Variants in ST6GALNAC5 observed in about 807,000 individuals in gnomAD.
ST6GALNAC5 encodes the protein ST6 N-acetylgalactosaminide alpha-2,6-sialyltransferase 5.
Under a neutral mutation model 33.6 loss-of-function variants are expected in ST6GALNAC5, and 27 were observed. That is an observed-to-expected ratio of 0.80 (90% CI 0.59 to 1.11). ST6GALNAC5 has a LOEUF of 1.11. ST6GALNAC5 is among the 50% of genes least tolerant of loss of function. The pLI is 0.00. For missense variants in ST6GALNAC5, 428 were observed against 454.0 expected (o/e 0.94, Z 0.52); for synonymous variants, 194 against 171.2 (o/e 1.13, Z -1.04).
intron 3 of ST6GALNAC5, 139 bp from the exon 4 acceptor site, chr1:77,050,119 G>A: frequency 3.0e-6 from 2 of 656,544 alleles, no homozygotes; most frequent in South Asian, 3.9e-5. Flanking sequence ...ATTTGATAAA[G>A]TTCCAGATAT....
intron 2 of ST6GALNAC5, among the ~76,000 whole-genome samples, chr1:76,913,934 T>C (rs1441181029): frequency 2.6e-5 from 4 of 152,220 alleles, no homozygotes; most frequent in East Asian, 3.9e-4. Context: ...GATTGTATAT[T>C]TAGAAAACCC....
At chr1:77,035,769 G>A (rs1434214474) in intron 2 of ST6GALNAC5, among the ~76,000 whole-genome samples, 2 of 152,234 alleles carry the variant, frequency 1.3e-5, no homozygotes, top group African/African-American at 4.8e-5. Flanking sequence ...AGTACTAAGT[G>A]ATGACAAGGA....
intron 2 of ST6GALNAC5, among the ~76,000 whole-genome samples, chr1:77,004,953 G>A (rs1650335039): frequency 6.7e-6 from 1 of 148,536 alleles, no homozygotes; most frequent in Non-Finnish European, 1.5e-5. Flanking sequence ...TTGTTTGTCT[G>A]TGCCCTGCCC....
At position 77,063,246 on chromosome 1, in the gene ST6GALNAC5, C is replaced by A; in HGVS notation, c.*40C>A. ...AGACTGTAATCCCAGGTATTCACTG[C>A]ATCAGACACCGAGACACTGAACTTC... On this transcript the variant is annotated 3_prime_UTR_variant, in exon 5 of 5. Coordinates refer to ENST00000477717, the MANE Select transcript of ST6GALNAC5 (RefSeq NM_030965.3). 2 of 1,569,094 alleles carry A rather than the reference C, an allele frequency of 1.3e-6. No individual in the cohort carries two copies. The highest frequency in any genetic ancestry group is 1.8e-6 in the Non-Finnish European group (2 of 1,142,182).
Position 76,868,900 on chromosome 1 carries a change from T to A in ST6GALNAC5, c.261+158T>A. The A allele has an allele frequency of 1.7e-6, 2 of 1,177,180 alleles. No individual in the cohort carries two copies. The highest frequency in any genetic ancestry group is 1.1e-6 in the Non-Finnish European group (1 of 881,508). The allele number at this position is 1,177,180 out of a possible 1,614,324, so 72.9% of individuals were successfully genotyped here. A position where few individuals can be genotyped will look rare whatever the true frequency, so the allele number is the denominator to read the frequency against. Reference sequence around the variant, plus strand: ...GGGGTAGGGTGGGCTAGTTCCAACTTGGTATGAATTCTTATTTGGAGAAAG... The same window carrying A: ...GGGGTAGGGTGGGCTAGTTCCAACTAGGTATGAATTCTTATTTGGAGAAAG... On this transcript the variant is annotated intron_variant, in intron 2 of 4. Coordinates refer to ENST00000477717, the MANE Select transcript of ST6GALNAC5 (RefSeq NM_030965.3). The surrounding 1 kb of genome is among the most constrained non-coding windows in gnomAD (Gnocchi z 4.3).
intron 2 of ST6GALNAC5, among the ~76,000 whole-genome samples, chr1:76,873,583 T>C (rs1653559931): frequency 6.6e-6 from 1 of 152,170 alleles, no homozygotes. Flanking sequence ...AGAATCATCA[T>C]TGCAATCTCA....
At position 77,044,269 on chromosome 1, in the gene ST6GALNAC5, G is replaced by A. The variant is rs1427509643; in HGVS notation, c.327G>A (p.Arg109=). 2.5e-6 allele frequency: 4 copies of A among 1,613,790 alleles called. No individual in the cohort carries two copies. Among genetic ancestry groups the A allele is most frequent in the Non-Finnish European group, 3.4e-6 (4 of 1,180,006 alleles). ...GCTCAGGGCATCTGCTGCACAGTCG[G>A]CAAGGCTCCCAGATTGACCAGACAG... ...VTSSGHLLHS[R]QGSQIDQTEC... Residue 109 remains arginine, a synonymous_variant, in exon 3 of 5, where the codon CGG becomes CGA. Transcript: ENST00000477717.
intron 3 of ST6GALNAC5, among the ~76,000 whole-genome samples, chr1:77,047,041 C>T (rs565824751): frequency 6.6e-6 from 1 of 152,230 alleles, no homozygotes. Context: ...TCTTCCTGGT[C>T]GTCCTGGCTG....
At chr1:76,978,470 A>G (rs1242541662) in intron 2 of ST6GALNAC5, among the ~76,000 whole-genome samples, 2 of 152,364 alleles carry the variant, frequency 1.3e-5, no homozygotes, top group African/African-American at 2.4e-5. Flanking sequence ...GGATGGTTCA[A>G]TATATGGAAG....
intron 2 of ST6GALNAC5, among the ~76,000 whole-genome samples, chr1:77,022,375 T>G (rs199677): frequency 0.29 from 43,867 of 152,078 alleles, 6,841 homozygotes; most frequent in African/African-American, 0.4. Flanking sequence ...AATTTCTCAT[T>G]TGAAGTTTGT....
At chr1:76,957,499 G>T (rs1321896524) in intron 2 of ST6GALNAC5, among the ~76,000 whole-genome samples, 1 of 152,286 alleles carries the variant, frequency 6.6e-6, no homozygotes, top group East Asian at 1.9e-4. Flanking sequence ...AGTTCTGAGA[G>T]GACATTAATT....
intron 2 of ST6GALNAC5, among the ~76,000 whole-genome samples, chr1:77,007,871 C>G (rs1342837194): frequency 6.6e-6 from 1 of 152,208 alleles, no homozygotes; most frequent in African/African-American, 2.4e-5. Flanking sequence ...GGCTTTGTGG[C>G]TAAGACTTTT....
chr1:76,901,744 T>G (rs962312901), intron 2 of ST6GALNAC5, among the ~76,000 whole-genome samples: 3 of 152,220 alleles, frequency 2.0e-5, no homozygotes. Flanking sequence ...AAATTCTGTT[T>G]ATTCTTTTTG....
chr1:76,941,620 C>A (rs1383336975), intron 2 of ST6GALNAC5, among the ~76,000 whole-genome samples: 1 of 152,148 alleles, frequency 6.6e-6, no homozygotes, highest in South Asian at 2.1e-4. Context: ...AGTGTCCTTA[C>A]AAGAGACAGA....
intron 2 of ST6GALNAC5, among the ~76,000 whole-genome samples, chr1:76,898,262 A>G (rs1263400511): frequency 6.6e-6 from 1 of 152,140 alleles, no homozygotes; most frequent in Admixed American, 6.5e-5. Context: ...GAGGTTCTGG[A>G]GGAACCCCTG....
intron 2 of ST6GALNAC5, among the ~76,000 whole-genome samples, chr1:77,023,702 T>C (rs186687940): frequency 5.4e-4 from 82 of 152,330 alleles, no homozygotes; most frequent in African/African-American, 1.6e-3. Flanking sequence ...TGTTGCACTT[T>C]ATTATATTGT....
At chr1:76,935,574 G>A (rs1255823169) in intron 2 of ST6GALNAC5, among the ~76,000 whole-genome samples, 3 of 151,996 alleles carry the variant, frequency 2.0e-5, no homozygotes, top group Non-Finnish European at 4.4e-5. Context: ...TTAATTTGGG[G>A]ATAAAATTGG....
chr1:77,043,202 T>G (rs1343738245), intron 2 of ST6GALNAC5, among the ~76,000 whole-genome samples: 1 of 152,292 alleles, frequency 6.6e-6, no homozygotes, highest in South Asian at 2.1e-4. Flanking sequence ...TGTTATTTTC[T>G]TGTACATTTG....
At chr1:76,974,773 C>CTTTCTTT (rs1648931915) in intron 2 of ST6GALNAC5, among the ~76,000 whole-genome samples, 1 of 35,246 alleles carries the variant, frequency 2.8e-5, no homozygotes, top group African/African-American at 1.3e-4. Context: ...TTCTTTCTTT[C>CTTTCTTT]TTTTTTTTTT....
Sources: allele counts gnomAD v4.1 joint callset (sites outside exome capture counted in the v4.1 genomes callset), GRCh38; gene constraint gnomAD v4.1.1; non-coding constraint Gnocchi (gnomAD v3.1); transcripts MANE v1.5; gene names NCBI Gene and HGNC (gene_info 2026-07-23, HGNC 2026-07-21).